Variants in HHAT observed in about 807,000 individuals in gnomAD.
HHAT encodes the protein protein-cysteine N-palmitoyltransferase HHAT.
HHAT carries 47 observed loss-of-function variants against 70.8 expected under a neutral mutation model. That is an observed-to-expected ratio of 0.66 (90% CI 0.53 to 0.85). The LOEUF is 0.85. Ranked by LOEUF, HHAT falls within the 40% of genes least tolerant of loss-of-function variation. The pLI is 0.00. For missense variants in HHAT, 609 were observed against 604.8 expected (o/e 1.01, Z -0.07); for synonymous variants, 228 against 247.6 (o/e 0.92, Z 0.74).
At chr1:210,548,323 G>A (rs1242336845) in intron 9 of HHAT, among the ~76,000 whole-genome samples, 1 of 152,198 alleles carries the variant, frequency 6.6e-6, no homozygotes, top group African/African-American at 2.4e-5. Context: ...CGTTGTTGGA[G>A]GTGATACAAG....
chr1:210,502,486 C>T (rs891967789), intron 8 of HHAT, among the ~76,000 whole-genome samples: 1 of 151,106 alleles, frequency 6.6e-6, no homozygotes, highest in Non-Finnish European at 1.5e-5. Context: ...ATTTGAAAAT[C>T]GCTGAATTTT....
At chr1:210,602,944 T>C (rs1431253855) in intron 10 of HHAT, among the ~76,000 whole-genome samples, 1 of 152,222 alleles carries the variant, frequency 6.6e-6, no homozygotes, top group Non-Finnish European at 1.5e-5. Context: ...AATAATTCCA[T>C]GTTAGTTCAA....
At chr1:210,504,566 A>G (rs1310811619) in intron 8 of HHAT, among the ~76,000 whole-genome samples, 2 of 152,274 alleles carry the variant, frequency 1.3e-5, no homozygotes, top group South Asian at 2.1e-4. Flanking sequence ...TCCTGAGCTG[A>G]TGATGCCTGG....
At chr1:210,387,709 T>C (rs2091188336) in intron 4 of HHAT, 128 bp downstream of exon 4, 1 of 663,050 alleles carries the variant, frequency 1.5e-6, no homozygotes, top group East Asian at 2.8e-5. Context: ...GATAAAGTTG[T>C]TAACAATCAA....
intron 11 of HHAT, among the ~76,000 whole-genome samples, chr1:210,646,744 TA>T (rs775832271): frequency 6.6e-6 from 1 of 152,230 alleles, no homozygotes; most frequent in Non-Finnish European, 1.5e-5. Flanking sequence ...ACAATTTTAC[TA>T]CAGTATTAAC....
intron 3 of HHAT, among the ~76,000 whole-genome samples, chr1:210,376,891 G>T (rs914921699): frequency 1.3e-5 from 2 of 152,186 alleles, no homozygotes; most frequent in Non-Finnish European, 1.5e-5. Flanking sequence ...AAAAATGTTA[G>T]TTCTCCCTTT....
At chr1:210,566,672 C>A (rs1006323018) in intron 9 of HHAT, among the ~76,000 whole-genome samples, 1 of 152,190 alleles carries the variant, frequency 6.6e-6, no homozygotes, top group East Asian at 1.9e-4. Context: ...AGATCGGCCG[C>A]TAGATGGCCA....
At chr1:210,386,439 C>T (rs1032771591) in intron 3 of HHAT, among the ~76,000 whole-genome samples, 46 of 150,786 alleles carry the variant, frequency 3.1e-4, no homozygotes, top group Admixed American at 1.2e-3. Context: ...GGGGTTTCAC[C>T]GTTTTAGCCG....
At chr1:210,359,133 T>G (rs2087972503) in intron 2 of HHAT, among the ~76,000 whole-genome samples, 1 of 152,182 alleles carries the variant, frequency 6.6e-6, no homozygotes, top group Non-Finnish European at 1.5e-5. Flanking sequence ...TCCTGTGTGA[T>G]GGGGAGAGAA....
At chr1:210,458,249 A>T (rs2093910806) in intron 7 of HHAT, among the ~76,000 whole-genome samples, 1 of 152,134 alleles carries the variant, frequency 6.6e-6, no homozygotes, top group African/African-American at 2.4e-5. Context: ...TACTTGTGGG[A>T]TAGGGTAGTA....
chr1:210,388,072 C>A (rs1439719427), intron 4 of HHAT, among the ~76,000 whole-genome samples: 3 of 152,186 alleles, frequency 2.0e-5, no homozygotes, highest in Non-Finnish European at 4.4e-5. Flanking sequence ...TATTTGAAAA[C>A]TACTTTTATG....
intron 2 of HHAT, among the ~76,000 whole-genome samples, chr1:210,356,356 C>T (rs367751166): frequency 6.6e-5 from 10 of 151,848 alleles, no homozygotes; most frequent in African/African-American, 1.5e-4. Flanking sequence ...TTGTGCTTCC[C>T]GTTGATTTGC....
intron 10 of HHAT, among the ~76,000 whole-genome samples, chr1:210,621,052 C>CA (rs2148868387): frequency 1.3e-5 from 2 of 152,248 alleles, no homozygotes; most frequent in Middle Eastern, 3.4e-3. Flanking sequence ...GTTCTTACCT[C>CA]CCTTGGCCCT....
rs55690211 is a variant in HHAT at position 210,590,542 on chromosome 1, C to CAAAAAAAAAAAAAAAAAAAAAAAA, written c.1245+2465_1245+2466insAAAAAAAAAAAAAAAAAAAAAAAA. ...AGAGCTGATGGTGTAAGTTCCAGTC[C>CAAAAAAAAAAAAAAAAAAAAAAAA]AAAAAAAAAAAAAAAAAAAAAAGGC... On this transcript the variant is annotated intron_variant, in intron 10 of 11. Coordinates refer to ENST00000261458, the MANE Select transcript of HHAT (RefSeq NM_018194.6). 4.9e-5 allele frequency: 2 copies of CAAAAAAAAAAAAAAAAAAAAAAAA among 40,594 alleles called. 1 individual carries two copies. Among genetic ancestry groups the CAAAAAAAAAAAAAAAAAAAAAAAA allele is most frequent in the African/African-American group, 1.5e-4 (2 of 13,172 alleles). The allele number at this position is 40,594 out of a possible 1,614,324, so 2.5% of individuals were successfully genotyped here.
intron 10 of HHAT, among the ~76,000 whole-genome samples, chr1:210,591,821 A>G (rs1055988349): frequency 6.6e-6 from 1 of 152,072 alleles, no homozygotes; most frequent in Non-Finnish European, 1.5e-5. Context: ...TTTGCCATTC[A>G]TATGTCATCT....
chr1:210,443,202 A>G (rs1252043400), intron 7 of HHAT, among the ~76,000 whole-genome samples: 1 of 150,842 alleles, frequency 6.6e-6, no homozygotes, highest in Non-Finnish European at 1.5e-5. Flanking sequence ...CCATTGATCT[A>G]TATCTCTGTT....
At chr1:210,653,797 G>A (rs578115691) in intron 11 of HHAT, among the ~76,000 whole-genome samples, 1 of 146,680 alleles carries the variant, frequency 6.8e-6, no homozygotes, top group South Asian at 2.2e-4. Flanking sequence ...AGCAGCTGAG[G>A]TGCTGGGGCA....
intron 5 of HHAT, among the ~76,000 whole-genome samples, chr1:210,402,344 C>T (rs2092118225): frequency 6.6e-6 from 1 of 152,218 alleles, no homozygotes; most frequent in Non-Finnish European, 1.5e-5. Context: ...CCTTCTCCTT[C>T]CTAGCCCGGT....
At chr1:210,416,019 G>A (rs1176687037) in intron 6 of HHAT, among the ~76,000 whole-genome samples, 1 of 152,126 alleles carries the variant, frequency 6.6e-6, no homozygotes, top group African/African-American at 2.4e-5. Flanking sequence ...CCAAGCAGAT[G>A]GCAAAAGGGA....
Sources: allele counts gnomAD v4.1 joint callset (sites outside exome capture counted in the v4.1 genomes callset), GRCh38; gene constraint gnomAD v4.1.1; transcripts MANE v1.5; gene names NCBI Gene and HGNC (gene_info 2026-07-23, HGNC 2026-07-21).